LEMD3: variants seen among roughly 807,000 people sequenced by gnomAD.
LEMD3 encodes the protein inner nuclear membrane protein Man1.
Under a neutral mutation model 95.2 loss-of-function variants are expected in LEMD3, and 33 were observed. The observed-to-expected ratio is 0.35, with a 90% confidence interval of 0.26 to 0.46. LEMD3 has a LOEUF of 0.46. LEMD3 is among the 20% of genes least tolerant of loss of function. The probability of loss-of-function intolerance (pLI) is 1.00; values close to 1 mark genes in which losing one functional copy is unlikely to be tolerated. For missense variants in LEMD3, 1,210 were observed against 1,192.8 expected, an observed-to-expected ratio of 1.01 and a Z score of -0.21; for synonymous variants, 525 against 474.6, an observed-to-expected ratio of 1.11 and a Z score of -1.38.
chr12:65,234,654 T>C (rs1870723264), intron 4 of LEMD3, among the ~76,000 whole-genome samples: 1 of 152,040 alleles, frequency 6.6e-6, no homozygotes, highest in South Asian at 2.1e-4. Flanking sequence ...GGATGTCAAG[T>C]GATATTAATA....
intron 1 of LEMD3, among the ~76,000 whole-genome samples, chr12:65,205,024 AGG>A: frequency 6.6e-6 from 1 of 152,324 alleles, no homozygotes; most frequent in East Asian, 1.9e-4. Flanking sequence ...AAGGCTAGGA[AGG>A]CCTCAGGAAA....
At chr12:65,195,114 C>G (rs1384776524) in intron 1 of LEMD3, among the ~76,000 whole-genome samples, 2 of 151,956 alleles carry the variant, frequency 1.3e-5, no homozygotes, top group Non-Finnish European at 2.9e-5. Flanking sequence ...CTGCAACCTG[C>G]AAATACTGTA....
In LEMD3 at chr12:65,219,155, G is replaced by A. The variant is rs1048314047; in HGVS notation, c.1695+536G>A. ...CATATTAATTTGGAAAGGGTACAAA[G>A]AAACATTGGTCATAGGGAAATTGAG... On this transcript the variant is annotated intron_variant, in intron 4 of 12. Coordinates refer to ENST00000308330, the MANE Select transcript of LEMD3 (RefSeq NM_014319.5). 4.6e-5 allele frequency among the ~76,000 whole-genome samples: 7 copies of A among 152,254 alleles called. No homozygotes were observed. In the South Asian group the frequency reaches 8.3e-4, roughly 18 times the overall value.
intron 12 of LEMD3, 32 bp downstream of exon 12, chr12:65,245,971 A>G (rs1297381825): frequency 1.3e-6 from 2 of 1,508,730 alleles, no homozygotes; most frequent in African/African-American, 1.4e-5. Flanking sequence ...AACATTTTGA[A>G]AAGATAGTTA....
intron 1 of LEMD3, among the ~76,000 whole-genome samples, chr12:65,208,110 A>G (rs10784442): frequency 0.97 from 146,977 of 152,198 alleles, 71,161 homozygotes; most frequent in East Asian, 1. Context: ...CAGTTAGTAG[A>G]ATAGTTTAAA....
intron 9 of LEMD3, among the ~76,000 whole-genome samples, chr12:65,241,850 T>G (rs1870948533): frequency 6.6e-6 from 1 of 152,206 alleles, no homozygotes; most frequent in Non-Finnish European, 1.5e-5. Flanking sequence ...TTGAAAAAGC[T>G]TGAATAAGAG....
chr12:65,204,644 G>T (rs1209264416), intron 1 of LEMD3, among the ~76,000 whole-genome samples: 1 of 152,056 alleles, frequency 6.6e-6, no homozygotes, highest in African/African-American at 2.4e-5. Flanking sequence ...GAATATATGT[G>T]TGCATATATC....
chr12:65,244,875 TG>T (rs2136357995), intron 10 of LEMD3, among the ~76,000 whole-genome samples: 1 of 152,054 alleles, frequency 6.6e-6, no homozygotes, highest in South Asian at 2.1e-4. Context: ...GGTTTGAGCC[TG>T]GGAGGCACAT....
intron 4 of LEMD3, among the ~76,000 whole-genome samples, chr12:65,221,179 CTTTT>C (rs34468551): frequency 8.1e-6 from 1 of 123,360 alleles, no homozygotes. Flanking sequence ...TTTCATTCAG[CTTTT>C]TTTTTTTTTT....
At chr12:65,188,458 A>T (rs1869134674) in intron 1 of LEMD3, among the ~76,000 whole-genome samples, 1 of 152,174 alleles carries the variant, frequency 6.6e-6, no homozygotes, top group African/African-American at 2.4e-5. Context: ...TATAGGCTGA[A>T]TGTGGAAGTA....
intron 1 of LEMD3, among the ~76,000 whole-genome samples, chr12:65,200,324 G>A (rs1461193069): frequency 3.3e-5 from 5 of 152,074 alleles, no homozygotes; most frequent in African/African-American, 1.2e-4. Flanking sequence ...GTGCTCTTGA[G>A]CCACTTGCTC....
At chr12:65,241,628 T>C (rs1870942015) in intron 9 of LEMD3, among the ~76,000 whole-genome samples, 1 of 152,020 alleles carries the variant, frequency 6.6e-6, no homozygotes, top group Non-Finnish European at 1.5e-5. Flanking sequence ...AAGGGGTAAG[T>C]TTATAGGGGG....
chr12:65,215,228 G>C (rs1279852066), intron 2 of LEMD3, among the ~76,000 whole-genome samples: 1 of 152,096 alleles, frequency 6.6e-6, no homozygotes, highest in African/African-American at 2.4e-5. Context: ...CATTGCCTAG[G>C]ATGCTGATCT....
chr12:65,213,870 A>G (rs983188948), intron 2 of LEMD3, among the ~76,000 whole-genome samples: 11 of 152,208 alleles, frequency 7.2e-5, no homozygotes, highest in African/African-American at 2.4e-4. Context: ...AGATGAGAGG[A>G]AAAGAAACAC....
chr12:65,231,146 TTTA>T (rs1870614261), intron 4 of LEMD3, among the ~76,000 whole-genome samples: 1 of 152,176 alleles, frequency 6.6e-6, no homozygotes, highest in South Asian at 2.1e-4. Context: ...ATACTCTTTT[TTTA>T]TAGTTAGGTT....
intron 4 of LEMD3, among the ~76,000 whole-genome samples, chr12:65,236,628 A>G (rs533163534): frequency 6.6e-6 from 1 of 152,264 alleles, no homozygotes; most frequent in Admixed American, 6.5e-5. Context: ...GAACACAGGG[A>G]ATTTTTCACT....
At chr12:65,176,421 G>A (rs1253079080) in intron 1 of LEMD3, among the ~76,000 whole-genome samples, 2 of 152,114 alleles carry the variant, frequency 1.3e-5, no homozygotes, top group Non-Finnish European at 2.9e-5. Context: ...TTGTAACTGT[G>A]ATTCATTCTT....
chr12:65,223,035 A>G (rs1437252716), intron 4 of LEMD3, among the ~76,000 whole-genome samples: 3 of 152,032 alleles, frequency 2.0e-5, no homozygotes, highest in Non-Finnish European at 4.4e-5. Flanking sequence ...TTAATGTGTT[A>G]AGATTTTTGT....
intron 1 of LEMD3, among the ~76,000 whole-genome samples, chr12:65,209,537 G>T (rs191832081): frequency 6.6e-6 from 1 of 151,622 alleles, no homozygotes. Flanking sequence ...TATTAAAAAG[G>T]GTATCTTTTT....
Sources: allele counts gnomAD v4.1 joint callset (sites outside exome capture counted in the v4.1 genomes callset), GRCh38; gene constraint gnomAD v4.1.1; transcripts MANE v1.5; gene names NCBI Gene and HGNC (gene_info 2026-07-23, HGNC 2026-07-21).